Variants in NEO1 observed in about 807,000 individuals in gnomAD.
The protein encoded by NEO1 is neogenin.
NEO1 carries 63 observed loss-of-function variants against 159.7 expected under a neutral mutation model. The ratio of observed to expected loss-of-function variants is 0.39; its 90% CI spans 0.32 to 0.49. NEO1 has a LOEUF of 0.49. Ranked by LOEUF, NEO1 falls within the 20% of genes least tolerant of loss-of-function variation. NEO1 has a pLI of 0.85. For synonymous variants in NEO1, 633 were observed against 662.0 expected (o/e 0.96, Z 0.67); for missense variants, 1,615 against 1,831.0 (o/e 0.88, Z 2.15).
At chr15:73,177,443 A>G (rs958467707) in intron 6 of NEO1, among the ~76,000 whole-genome samples, 2 of 152,242 alleles carry the variant, frequency 1.3e-5, no homozygotes, top group African/African-American at 4.8e-5. Flanking sequence ...CAAGTATTTA[A>G]CATTAAAAAG....
At chr15:73,281,971 G>A (rs183368859) in intron 22 of NEO1, among the ~76,000 whole-genome samples, 10 of 152,302 alleles carry the variant, frequency 6.6e-5, no homozygotes, top group African/African-American at 2.4e-4. Context: ...TCCTTCTTCA[G>A]GGTCCTAAAT....
intron 7 of NEO1, among the ~76,000 whole-genome samples, chr15:73,198,192 G>A (rs935414950): frequency 2.0e-5 from 3 of 151,818 alleles, no homozygotes; most frequent in African/African-American, 7.3e-5. Context: ...GCAGCACTCA[G>A]GATTCATCAT....
intron 7 of NEO1, among the ~76,000 whole-genome samples, chr15:73,184,315 C>T (rs2035794155): frequency 6.6e-6 from 1 of 152,044 alleles, no homozygotes; most frequent in African/African-American, 2.4e-5. Context: ...GCCACCATGC[C>T]TGGCTAACTT....
At chr15:73,107,932 A>G (rs1259724398) in intron 1 of NEO1, among the ~76,000 whole-genome samples, 3 of 152,196 alleles carry the variant, frequency 2.0e-5, no homozygotes, top group Non-Finnish European at 2.9e-5. Context: ...CTGCATTCCC[A>G]GCACTTTGGG....
rs201012699 is a variant in NEO1 at position 73,270,139 on chromosome 15, C to T, written c.2624C>T (p.Ala875Val). The change falls in exon 17 of 29, where the codon GCA becomes GTA. Residue 875 changes from alanine (A) to valine (V), a missense_variant. Ala to Val is a moderately conservative substitution (Grantham distance 64). Coordinates refer to ENST00000261908, the MANE Select transcript of NEO1 (RefSeq NM_002499.4). ...CATGACACCATCAGGATTACGTGGGCAGACAACTCGCTGCCCAAGCACCAG... is the reference window on the plus strand; with the variant it reads ...CATGACACCATCAGGATTACGTGGGTAGACAACTCGCTGCCCAAGCACCAG... ...LSHDTIRITWADNSLPKHQKI... is the reference protein window; with the variant it reads ...LSHDTIRITWVDNSLPKHQKI... 1.2e-6 allele frequency: 2 copies of T among 1,614,040 alleles called. No individual in the cohort carries two copies. The highest frequency in any genetic ancestry group is 2.2e-5 in the East Asian group (1 of 44,896).
intron 1 of NEO1, among the ~76,000 whole-genome samples, chr15:73,100,928 G>T (rs2070370321): frequency 6.6e-6 from 1 of 152,072 alleles, no homozygotes; most frequent in African/African-American, 2.4e-5. Flanking sequence ...ATCAGCAGAT[G>T]AACTCATCTC....
chr15:73,111,858 C>T (rs541772430), intron 1 of NEO1, among the ~76,000 whole-genome samples: 1 of 152,266 alleles, frequency 6.6e-6, no homozygotes, highest in East Asian at 1.9e-4. Context: ...TGGTCTTGAA[C>T]TCCTGGGCTC....
chr15:73,249,344 A>T (rs937778285), intron 10 of NEO1, 136 bp downstream of exon 10: 2 of 1,092,450 alleles, frequency 1.8e-6, no homozygotes, highest in Non-Finnish European at 2.6e-6. Context: ...GACAGATTCT[A>T]TTTCTTTGTA....
intron 5 of NEO1, among the ~76,000 whole-genome samples, chr15:73,142,120 C>G (rs1371861508): frequency 6.6e-6 from 1 of 151,900 alleles, no homozygotes; most frequent in Non-Finnish European, 1.5e-5. Flanking sequence ...CAGCATAAAG[C>G]ACTTTTATTG....
chr15:73,065,222 CATTT>C (rs1192878833), intron 1 of NEO1, among the ~76,000 whole-genome samples: 4 of 151,322 alleles, frequency 2.6e-5, no homozygotes, highest in African/African-American at 4.8e-5. Flanking sequence ...ACTCACTATT[CATTT>C]AGTTTTAGTT....
chr15:73,301,833 A>C (rs1445113938), intron 28 of NEO1, among the ~76,000 whole-genome samples: 1 of 151,790 alleles, frequency 6.6e-6, no homozygotes, highest in Non-Finnish European at 1.5e-5. Flanking sequence ...ATGCCTGGCT[A>C]TTGTTTTGTA....
chr15:73,069,264 G>A (rs1375606433), intron 1 of NEO1, among the ~76,000 whole-genome samples: 1 of 151,700 alleles, frequency 6.6e-6, no homozygotes, highest in African/African-American at 2.4e-5. Context: ...GCACAGCCGA[G>A]TAGGGGCATT....
At chr15:73,183,265 C>T (rs914684699) in intron 7 of NEO1, among the ~76,000 whole-genome samples, 2 of 152,092 alleles carry the variant, frequency 1.3e-5, no homozygotes, top group Non-Finnish European at 2.9e-5. Flanking sequence ...TTCCCATTTA[C>T]TCAGACCCTT....
intron 2 of NEO1, among the ~76,000 whole-genome samples, chr15:73,119,779 G>A (rs375527777): frequency 6.6e-6 from 1 of 152,182 alleles, no homozygotes; most frequent in East Asian, 1.9e-4. Context: ...GTTTTTGTGA[G>A]CTTACATTTT....
chr15:73,123,697 A>G (rs1567247816), intron 3 of NEO1, among the ~76,000 whole-genome samples: 1 of 152,134 alleles, frequency 6.6e-6, no homozygotes, highest in Non-Finnish European at 1.5e-5. Context: ...GTAGCTCATC[A>G]TAGCCCCTCT....
At chr15:73,125,116 C>T (rs1387954721) in intron 3 of NEO1, among the ~76,000 whole-genome samples, 1 of 152,162 alleles carries the variant, frequency 6.6e-6, no homozygotes, top group African/African-American at 2.4e-5. Context: ...GATCACTACT[C>T]AACATCTGAA....
chr15:73,282,813 AGAGAGCCATGTTCAC>A, intron 22 of NEO1, 136 bp from the exon 23 acceptor site: 1 of 873,446 alleles, frequency 1.1e-6, no homozygotes, highest in Non-Finnish European at 1.8e-6. Context: ...CATCTAGAGA[AGAGAGCCATGTTCAC>A]GCGGCACTTT....
chr15:73,280,423 G>A lies in NEO1; in HGVS notation c.3262+2224G>A, dbSNP rs530597116. Among the ~76,000 whole-genome samples the A allele has an allele frequency of 3.3e-5, 5 of 152,254 alleles. No individual in the cohort carries two copies. The South Asian group carries it at 1.0e-3, about 32-fold the overall frequency. On this transcript the variant is annotated intron_variant, in intron 22 of 28. Coordinates refer to ENST00000261908, the MANE Select transcript of NEO1 (RefSeq NM_002499.4). ...AAGAAAACTTTTGTCCAGCTCATTC[G>A]CAAGAGGTCAGATGCGAGTAAATGA... is the stretch of plus-strand genomic sequence containing the variant.
Position 73,274,675 on chromosome 15 carries a change from T to G in NEO1, c.3161-17T>G. 2 of 1,613,574 alleles carry G rather than the reference T, an allele frequency of 1.2e-6. No homozygotes were observed. The highest frequency in any genetic ancestry group is 1.7e-6 in the Non-Finnish European group (2 of 1,179,724). ...TCCTTGCTCTTGTTTTTTCTTCCCCTGTGCTTGGCCTGTTAGCGGACTCCT... is the reference window on the plus strand; with the variant it reads ...TCCTTGCTCTTGTTTTTTCTTCCCCGGTGCTTGGCCTGTTAGCGGACTCCT... On this transcript the variant is annotated splice_polypyrimidine_tract_variant and intron_variant, in intron 20 of 28. Coordinates refer to ENST00000261908, the MANE Select transcript of NEO1 (RefSeq NM_002499.4).
Sources: gnomAD v4.1 joint callset for allele counts (sites outside exome capture counted in the v4.1 genomes callset) on GRCh38, gnomAD v4.1.1 for gene constraint, MANE v1.5 for transcripts, NCBI Gene and HGNC (gene_info 2026-07-23, HGNC 2026-07-21) for gene names.